AGAP1: variants seen among roughly 807,000 people sequenced by gnomAD.
The protein encoded by AGAP1 is ArfGAP with GTPase domain, ankyrin repeat and PH domain 1.
A neutral mutation model predicts 105.3 loss-of-function variants in AGAP1; 29 were observed. The observed-to-expected ratio is 0.28, with a 90% CI of 0.21 to 0.38. The LOEUF (loss-of-function observed/expected upper bound fraction) is 0.38, where lower values mean the gene tolerates loss of function less well. AGAP1 is among the 10% of genes least tolerant of loss of function. AGAP1 has a pLI of 1.00. For missense variants in AGAP1, 998 were observed against 1,165.1 expected, an observed-to-expected ratio of 0.86 and a Z score of 2.09; for synonymous variants, 509 against 485.9, an observed-to-expected ratio of 1.05 and a Z score of -0.63.
rs1266197096 is a variant in AGAP1 at position 236,009,258 on chromosome 2, C to G, written c.1646-27303C>G. Among the ~76,000 whole-genome samples the G allele has an allele frequency of 2.6e-5, 4 of 152,170 alleles. No individual in the cohort carries two copies. Among genetic ancestry groups the G allele is most frequent in the Non-Finnish European group, 5.9e-5 (4 of 68,038 alleles). ...CAAATGAACGTTCAAATGGCCAGCA[C>G]AAAAGAAATCCCCAATCTCTAACCT... is the stretch of plus-strand genomic sequence containing the variant. On this transcript the variant is annotated intron_variant, in intron 13 of 17. Transcript: ENST00000304032. This position sits in a 1 kb window ranked among gnomAD's most constrained non-coding sequence, Gnocchi z 4.2.
chr2:235,688,475 T>A (rs1348360964), intron 1 of AGAP1, among the ~76,000 whole-genome samples: 1 of 152,120 alleles, frequency 6.6e-6, no homozygotes. Context: ...CAGACAGACT[T>A]CCGAAACTTT....
intron 3 of AGAP1, among the ~76,000 whole-genome samples, chr2:235,722,374 C>T (rs1187814181): frequency 6.6e-6 from 1 of 152,166 alleles, no homozygotes; most frequent in Admixed American, 6.5e-5. Flanking sequence ...CGTGAATATA[C>T]TTTATCCTAA....
chr2:235,857,209 C>A (rs1041367483), intron 9 of AGAP1, among the ~76,000 whole-genome samples: 1 of 152,168 alleles, frequency 6.6e-6, no homozygotes, highest in Non-Finnish European at 1.5e-5. Context: ...TCAGCGGAGG[C>A]ATTAGATTCT....
chr2:236,064,191 A>G (rs1315735363), intron 16 of AGAP1, among the ~76,000 whole-genome samples: 2 of 152,200 alleles, frequency 1.3e-5, no homozygotes, highest in African/African-American at 4.8e-5. Context: ...CCTGTCACCC[A>G]GAGACTCCTG....
rs1407225529 is a variant in AGAP1 at position 235,904,115 on chromosome 2, T to C, written c.1156-4623T>C. On this transcript the variant is annotated intron_variant, in intron 10 of 17. Transcript: ENST00000304032. The surrounding 1 kb of genome is among the most constrained non-coding windows in gnomAD (Gnocchi z 4.2). ...CAATTAGCATGTTTGTTGAGGCTAA[T>C]TGAATGAAACTCAATCATAGCTCTT... Among the ~76,000 whole-genome samples, 1 of 152,238 alleles carries C rather than the reference T, an allele frequency of 6.6e-6. No homozygotes were observed. The highest frequency in any genetic ancestry group is 1.9e-4 in the East Asian group (1 of 5,198).
At chr2:235,591,959 C>T (rs1319301461) in intron 1 of AGAP1, among the ~76,000 whole-genome samples, 1 of 151,704 alleles carries the variant, frequency 6.6e-6, no homozygotes, top group East Asian at 1.9e-4. Flanking sequence ...TTAGCAAGAG[C>T]AGATGCTGCT....
chr2:235,806,345 C>T (rs1015272089), intron 8 of AGAP1, among the ~76,000 whole-genome samples: 3 of 152,186 alleles, frequency 2.0e-5, no homozygotes, highest in Non-Finnish European at 2.9e-5. Flanking sequence ...TTAAGGAGGA[C>T]GAGTCTCCAA....
In AGAP1 at chr2:236,087,367, C is replaced by T. The variant is rs1159721493; in HGVS notation, c.2115-32825C>T. The stretch of plus-strand genomic sequence containing the variant: ...TGTTCATTGAAAGAGTCCAGGTCCC[C>T]GACAGCCCTGCTCCAAGGACAGACA... On this transcript the variant is annotated intron_variant, in intron 16 of 17. Transcript: ENST00000304032. This position sits in a 1 kb window ranked among gnomAD's most constrained non-coding sequence, Gnocchi z 5.7. Among the ~76,000 whole-genome samples, 1 of 152,076 alleles carries T rather than the reference C, an allele frequency of 6.6e-6. No homozygotes were observed.
chr2:235,903,175 A>T (rs1019976110), intron 10 of AGAP1, among the ~76,000 whole-genome samples: 1 of 152,218 alleles, frequency 6.6e-6, no homozygotes, highest in Non-Finnish European at 1.5e-5. Flanking sequence ...ATACATGTAC[A>T]GTTATAAACT....
Position 235,610,012 on chromosome 2 carries a change from G to A in AGAP1, c.164-99167G>A, listed in dbSNP as rs13413910. Among the ~76,000 whole-genome samples the A allele has an allele frequency of 0.035, 5,341 of 152,134 alleles. 320 individuals are homozygous for A. The highest frequency in any genetic ancestry group is 0.12 in the African/African-American group (5,055 of 41,470). The stretch of plus-strand genomic sequence containing the variant: ...TGGGCAACAGCTCCATTTAGCTAGG[G>A]TAGGATAATGGTAAAGTTGCCAGCA... On this transcript the variant is annotated intron_variant, in intron 1 of 17. Coordinates refer to ENST00000304032, the MANE Select transcript of AGAP1 (RefSeq NM_001037131.3). This position sits in a 1 kb window ranked among gnomAD's most constrained non-coding sequence, Gnocchi z 4.9.
At chr2:235,647,482 G>A (rs905544932) in intron 1 of AGAP1, among the ~76,000 whole-genome samples, 1 of 152,080 alleles carries the variant, frequency 6.6e-6, no homozygotes, top group Non-Finnish European at 1.5e-5. Context: ...CAGACTCCCA[G>A]GCTCAAGCGA....
At position 235,973,054 on chromosome 2, in the gene AGAP1, A is replaced by G. The variant is rs770726192; in HGVS notation, c.1645+4431A>G. Among the ~76,000 whole-genome samples, 12 of 152,338 alleles carry G rather than the reference A, an allele frequency of 7.9e-5. No homozygotes were observed. Among genetic ancestry groups the G allele is most frequent in the Non-Finnish European group, 1.8e-4 (12 of 68,034 alleles). On this transcript the variant is annotated intron_variant, in intron 13 of 17. Transcript: ENST00000304032. This position sits in a 1 kb window ranked among gnomAD's most constrained non-coding sequence, Gnocchi z 4.7. ...TCTTACCTCTGTGGCGCACTTATTC[A>G]GAAAGTAAAGGCTAATAGTAGGAAT... is the stretch of plus-strand genomic sequence containing the variant.
In AGAP1 at chr2:235,930,211, T is replaced by A. The variant is rs978161649; in HGVS notation, c.1325-554T>A. On this transcript the variant is annotated intron_variant, in intron 11 of 17. Transcript: ENST00000304032. The surrounding 1 kb of genome is among the most constrained non-coding windows in gnomAD (Gnocchi z 7.9). ...TTCCTCTGCTTAGTCTTTTCAAGGT[T>A]AAGAGTAAACTTATCTGGTTGAAGA... Among the ~76,000 whole-genome samples, 2 of 151,260 alleles carry A rather than the reference T, an allele frequency of 1.3e-5. No individual in the cohort carries two copies. The highest frequency in any genetic ancestry group is 4.8e-5 in the African/African-American group (2 of 41,392).
rs1419440105 is a variant in AGAP1 at position 235,765,236 on chromosome 2, C to A, written c.673+14748C>A. 3.1e-3 allele frequency among the ~76,000 whole-genome samples: 249 copies of A among 79,162 alleles called. 1 individual carries two copies. Among genetic ancestry groups the A allele is most frequent in the African/African-American group, 0.012 (229 of 18,842 alleles). The allele number at this position is 79,162 out of a possible 152,430, so 51.9% of individuals were successfully genotyped here. A position where few individuals can be genotyped will look rare whatever the true frequency, so the allele number is the denominator to read the frequency against. On this transcript the variant is annotated intron_variant, in intron 6 of 17. Coordinates refer to ENST00000304032, the MANE Select transcript of AGAP1 (RefSeq NM_001037131.3). The stretch of plus-strand genomic sequence containing the variant: ...CCGTGGGGTTGGGGGTATCTGGGAG[C>A]GTCCGTGGGGTGGGGGCATCTGGGA...
At position 235,889,324 on chromosome 2, in the gene AGAP1, A is replaced by G. The variant is rs1003825668; in HGVS notation, c.1155+5875A>G. Among the ~76,000 whole-genome samples, 1 of 152,132 alleles carries G rather than the reference A, an allele frequency of 6.6e-6. No homozygotes were observed. Among genetic ancestry groups the G allele is most frequent in the African/African-American group, 2.4e-5 (1 of 41,412 alleles). ...TGCAGGACACCGTGGGGCTGGTGTG[A>G]GGCTGAAAATGTACCTAGAATGGGT... On this transcript the variant is annotated intron_variant, in intron 10 of 17. Transcript: ENST00000304032. The surrounding 1 kb of genome is among the most constrained non-coding windows in gnomAD (Gnocchi z 4.6).
At chr2:235,950,887 CT>C (rs200110792) in intron 12 of AGAP1, among the ~76,000 whole-genome samples, 54 of 118,194 alleles carry the variant, frequency 4.6e-4, no homozygotes, top group Non-Finnish European at 7.6e-4. Context: ...TCTCCAAGCA[CT>C]TTTTTTTTTT....
chr2:235,618,633 C>A (rs576217788), intron 1 of AGAP1, among the ~76,000 whole-genome samples: 15 of 152,120 alleles, frequency 9.9e-5, no homozygotes, highest in African/African-American at 3.6e-4. Flanking sequence ...AAATAATGTA[C>A]CATAAAAGCT....
chr2:235,784,917 G>A (rs943840588), intron 6 of AGAP1, among the ~76,000 whole-genome samples: 1 of 152,142 alleles, frequency 6.6e-6, no homozygotes, highest in Non-Finnish European at 1.5e-5. Context: ...ATGACTTAAT[G>A]CACAAAGCCC....
In AGAP1 at chr2:236,022,715, G is replaced by A. The variant is rs182071939; in HGVS notation, c.1646-13846G>A. The stretch of plus-strand genomic sequence containing the variant: ...ACGCCCAACTGCTTTTTGTATTTTT[G>A]GTAGAGATGGAATTTTGCCATGTTG... On this transcript the variant is annotated intron_variant, in intron 13 of 17. Coordinates refer to ENST00000304032, the MANE Select transcript of AGAP1 (RefSeq NM_001037131.3). 5.6e-3 allele frequency among the ~76,000 whole-genome samples: 850 copies of A among 152,170 alleles called. 7 individuals carry two copies. The highest frequency in any genetic ancestry group is 8.9e-3 in the Non-Finnish European group (602 of 67,998).
Sources: gnomAD v4.1 joint callset for allele counts (sites outside exome capture counted in the v4.1 genomes callset) on GRCh38, gnomAD v4.1.1 for gene constraint, Gnocchi (gnomAD v3.1) non-coding constraint, MANE v1.5 for transcripts, NCBI Gene and HGNC (gene_info 2026-07-23, HGNC 2026-07-21) for gene names.